Variants in ARHGAP10 observed in about 807,000 individuals in gnomAD.
ARHGAP10 encodes the protein Rho GTPase activating protein 10.
A neutral mutation model predicts 108.6 loss-of-function variants in ARHGAP10; 87 were observed. The ratio of observed to expected loss-of-function variants is 0.80; its 90% CI spans 0.67 to 0.96. The LOEUF (loss-of-function observed/expected upper bound fraction) is 0.96, where lower values mean the gene tolerates loss of function less well. ARHGAP10 is among the 40% of genes least tolerant of loss of function. The probability of loss-of-function intolerance (pLI) is 0.00; values close to 1 mark genes in which losing one functional copy is unlikely to be tolerated. For missense variants in ARHGAP10, 939 were observed against 954.5 expected (o/e 0.98, Z 0.21); for synonymous variants, 347 against 341.1 (o/e 1.02, Z -0.19).
chr4:147,906,705 G>A lies in ARHGAP10; in HGVS notation c.1102G>A (p.Gly368Ser), dbSNP rs1483172645. The change falls in exon 11 of 23, where the codon GGT (glycine) becomes AGT (serine). Residue 368 changes from glycine (G) to serine (S), a missense_variant. Physicochemically the swap from Gly to Ser is moderately conservative, Grantham distance 56. Transcript: ENST00000336498. ...AAGGAAGCAGTGGTTGGAAGCTCTGGGTGGAAAGGAAGCTGTAAGAATAAT... is the reference window on the plus strand; with the variant it reads ...AAGGAAGCAGTGGTTGGAAGCTCTGAGTGGAAAGGAAGCTGTAAGAATAAT... ...EERKQWLEAL[G>S]GKEALSHSFN... The A allele has an allele frequency of 1.2e-6, 2 of 1,614,036 alleles. No homozygotes were observed. The highest frequency in any genetic ancestry group is 2.7e-5 in the African/African-American group (2 of 74,932).
rs2126786493 is a variant in ARHGAP10, at chr4:147,822,722, T to C, written c.155-5T>C. On this transcript the variant is annotated splice_polypyrimidine_tract_variant and splice_region_variant and intron_variant, in intron 1 of 22. Transcript: ENST00000336498. ...CCCAAGTCATCATTATACTTTTCTT[T>C]CTAGGTCTGTCAGTGGCCCAGCGGA... is the stretch of plus-strand genomic sequence containing the variant. The C allele has an allele frequency of 6.2e-7, 1 of 1,613,760 alleles. No individual in the cohort carries two copies. Among genetic ancestry groups the C allele is most frequent in the Non-Finnish European group, 8.5e-7 (1 of 1,179,672 alleles).
chr4:148,036,240 G>A (rs977059712), intron 19 of ARHGAP10, among the ~76,000 whole-genome samples: 4 of 152,100 alleles, frequency 2.6e-5, no homozygotes, highest in African/African-American at 9.7e-5. Context: ...GCTTTGGACT[G>A]TTTCTTTCTG....
At position 147,863,696 on chromosome 4, in the gene ARHGAP10, T is replaced by G. The variant is rs183458781; in HGVS notation, c.487-1150T>G. 3 of 152,356 alleles carry G rather than the reference T, an allele frequency of 2.0e-5. No individual in the cohort carries two copies. The East Asian group carries it at 5.8e-4, about 29-fold the overall frequency. The allele number at this position is 152,356 out of a possible 1,614,324, so 9.4% of individuals were successfully genotyped here. ...GCTGGGAGTTGTGCCTGTTAACTGC[T>G]GGTGGCTGAACTATTGAATTCTGGT... On this transcript the variant is annotated intron_variant, in intron 5 of 22. Transcript: ENST00000336498.
intron 18 of ARHGAP10, among the ~76,000 whole-genome samples, chr4:148,001,605 A>G (rs1251033485): frequency 6.7e-6 from 1 of 149,640 alleles, no homozygotes; most frequent in Non-Finnish European, 1.5e-5. Context: ...AGTGCTTTAT[A>G]GTTCTCCTTG....
At chr4:147,851,225 C>T (rs1733865192) in intron 4 of ARHGAP10, among the ~76,000 whole-genome samples, 1 of 151,714 alleles carries the variant, frequency 6.6e-6, no homozygotes, top group South Asian at 2.1e-4. Flanking sequence ...GACCTCTACT[C>T]CAAATTTCTT....
At chr4:147,962,811 A>T (rs1376876146) in intron 16 of ARHGAP10, among the ~76,000 whole-genome samples, 1 of 151,964 alleles carries the variant, frequency 6.6e-6, no homozygotes, top group Non-Finnish European at 1.5e-5. Flanking sequence ...TTACAGGTGC[A>T]CACCACCACA....
rs754658778 is a variant in ARHGAP10 at position 147,966,699 on chromosome 4, C to G, written c.1576C>G (p.Gln526Glu). 1.3e-6 allele frequency: 2 copies of G among 1,584,648 alleles called. No individual in the cohort carries two copies. The highest frequency in any genetic ancestry group is 4.5e-5 in the East Asian group (2 of 44,546). Residue 526 changes from glutamine to glutamate, a missense_variant, in exon 18 of 23, where the codon CAG becomes GAG. Coordinates refer to ENST00000336498, the MANE Select transcript of ARHGAP10 (RefSeq NM_024605.4). Reference sequence around the variant, plus strand: ...TTTCAGTGTTTCAAATCACTCCAAGCAGAACCTGATGACTGTGGCAAACTT... The same window carrying G: ...TTTCAGTGTTTCAAATCACTCCAAGGAGAACCTGATGACTGTGGCAAACTT... The part of the protein sequence containing the change: ...HLTNVSNHSK[Q>E]NLMTVANLGV...
intron 10 of ARHGAP10, among the ~76,000 whole-genome samples, chr4:147,897,092 TTCTTA>T (rs1736023543): frequency 6.6e-6 from 1 of 152,112 alleles, no homozygotes; most frequent in Non-Finnish European, 1.5e-5. Flanking sequence ...TACACTTGCT[TTCTTA>T]TACTGTTCGT....
intron 1 of ARHGAP10, among the ~76,000 whole-genome samples, chr4:147,812,746 ATGGTTTAGAC>A (rs1460778787): frequency 6.6e-6 from 1 of 152,118 alleles, no homozygotes; most frequent in Non-Finnish European, 1.5e-5. Flanking sequence ...GCATATTTTG[ATGGTTTAGAC>A]TGAGAACTGA....
intron 1 of ARHGAP10, among the ~76,000 whole-genome samples, chr4:147,792,399 A>G (rs1731156804): frequency 6.6e-6 from 1 of 152,028 alleles, no homozygotes; most frequent in African/African-American, 2.4e-5. Context: ...GGTGACAGGG[A>G]CTCAGGTTCA....
At position 147,951,234 on chromosome 4, in the gene ARHGAP10, C is replaced by T. The variant is rs1015357829; in HGVS notation, c.1392-4082C>T. 3.3e-5 allele frequency among the ~76,000 whole-genome samples: 5 copies of T among 151,990 alleles called. No individual in the cohort carries two copies. In the East Asian group the frequency reaches 7.7e-4, roughly 23 times the overall value. ...TATTTCTAAGGTTTCTCATTCCCCCCCTCCCTCGACCCCACTTTTCTTTTT... is the reference window on the plus strand; with the variant it reads ...TATTTCTAAGGTTTCTCATTCCCCCTCTCCCTCGACCCCACTTTTCTTTTT... On this transcript the variant is annotated intron_variant, in intron 15 of 22. Transcript: ENST00000336498.
intron 1 of ARHGAP10, among the ~76,000 whole-genome samples, chr4:147,738,592 G>A (rs975855356): frequency 1.3e-5 from 2 of 152,008 alleles, no homozygotes; most frequent in Admixed American, 1.3e-4. Context: ...TACTATATTG[G>A]ATTAAAAGTA....
chr4:147,857,977 T>C (rs1734163826), intron 5 of ARHGAP10: 1 of 155,780 alleles, frequency 6.4e-6, no homozygotes, highest in Admixed American at 6.5e-5. Flanking sequence ...TAATTGGCTT[T>C]TGGGAGTTCT....
chr4:147,938,186 G>A (rs1328827208), intron 13 of ARHGAP10, among the ~76,000 whole-genome samples: 1 of 151,952 alleles, frequency 6.6e-6, no homozygotes, highest in African/African-American at 2.4e-5. Flanking sequence ...ACATAGAGGA[G>A]AACAACACAT....
At chr4:147,743,066 C>G (rs1379618180) in intron 1 of ARHGAP10, among the ~76,000 whole-genome samples, 1 of 149,836 alleles carries the variant, frequency 6.7e-6, no homozygotes, top group African/African-American at 2.5e-5. Context: ...GACAGTCTCA[C>G]TCTGTCACCC....
At chr4:148,007,372 C>T (rs931987807) in intron 18 of ARHGAP10, among the ~76,000 whole-genome samples, 1 of 152,114 alleles carries the variant, frequency 6.6e-6, no homozygotes, top group Non-Finnish European at 1.5e-5. Context: ...GAAGGGAGCT[C>T]GGATTCCAGC....
intron 1 of ARHGAP10, among the ~76,000 whole-genome samples, chr4:147,785,131 G>A (rs1008280954): frequency 2.2e-5 from 3 of 137,700 alleles, no homozygotes; most frequent in Non-Finnish European, 3.1e-5. Context: ...GGAAAGAACA[G>A]CTCTGAATAT....
In ARHGAP10 at chr4:148,072,092, C is replaced by T. The variant is rs770094486; in HGVS notation, c.*11C>T. 6.2e-7 allele frequency: 1 copy of T among 1,608,270 alleles called. No homozygotes were observed. Among genetic ancestry groups the T allele is most frequent in the South Asian group, 1.1e-5 (1 of 90,214 alleles). ...GTCAAGCTGCTGTAGCTCCTGGCCT[C>T]AGAGCCCCTGCTGACCCTGGCACCC... On this transcript the variant is annotated 3_prime_UTR_variant, in exon 23 of 23. Transcript: ENST00000336498.
chr4:147,820,866 C>G (rs1389224227), intron 1 of ARHGAP10, among the ~76,000 whole-genome samples: 1 of 152,176 alleles, frequency 6.6e-6, no homozygotes, highest in Non-Finnish European at 1.5e-5. Flanking sequence ...GCTGGGATGA[C>G]AGGCGTGAAC....
Sources: allele counts gnomAD v4.1 joint callset (sites outside exome capture counted in the v4.1 genomes callset), GRCh38; gene constraint gnomAD v4.1.1; transcripts MANE v1.5; gene names NCBI Gene and HGNC (gene_info 2026-07-23, HGNC 2026-07-21).